The following BAZ1A variants were observed in gnomAD, a reference collection of about 807,000 sequenced individuals.
BAZ1A encodes bromodomain adjacent to zinc finger domain 1A.
Under a neutral mutation model 185.2 loss-of-function variants are expected in BAZ1A, and 50 were observed. That is an observed-to-expected ratio of 0.27 (90% CI 0.22 to 0.34). The LOEUF (loss-of-function observed/expected upper bound fraction) is 0.34. Ranked by LOEUF, BAZ1A falls within the 10% of genes least tolerant of loss-of-function variation. The pLI is 1.00. For missense variants in BAZ1A, 1,356 were observed against 1,839.9 expected, an observed-to-expected ratio of 0.74 and a Z score of 4.81; for synonymous variants, 571 against 615.6, an observed-to-expected ratio of 0.93 and a Z score of 1.07.
At chr14:34,809,569 A>T (rs1206278837) in intron 5 of BAZ1A, among the ~76,000 whole-genome samples, 2 of 151,992 alleles carry the variant, frequency 1.3e-5, no homozygotes, top group Non-Finnish European at 2.9e-5. Flanking sequence ...CTCTTTATTT[A>T]AAAAAAAGTA....
At chr14:34,787,563 A>G (rs1594839960) in intron 12 of BAZ1A, among the ~76,000 whole-genome samples, 1 of 147,556 alleles carries the variant, frequency 6.8e-6, no homozygotes, top group Non-Finnish European at 1.5e-5. Context: ...CATGTCTGTA[A>G]TCCCAGCTAC....
chr14:34,846,643 A>T (rs2042516897), intron 3 of BAZ1A, among the ~76,000 whole-genome samples: 1 of 152,254 alleles, frequency 6.6e-6, no homozygotes, highest in Non-Finnish European at 1.5e-5. Context: ...TAGCGTATAA[A>T]AAAAGGGTTT....
chr14:34,791,551 C>A (rs1363637433), intron 12 of BAZ1A, among the ~76,000 whole-genome samples: 2 of 152,170 alleles, frequency 1.3e-5, no homozygotes, highest in African/African-American at 4.8e-5. Flanking sequence ...AACATCAATG[C>A]ACACTCATCA....
chr14:34,780,348 T>C (rs752835227), intron 16 of BAZ1A, 38 bp from the exon 17 acceptor site: 14 of 1,563,378 alleles, frequency 9.0e-6, no homozygotes, highest in Non-Finnish European at 1.1e-5. Context: ...TACTAATGAA[T>C]ATATAATTCC....
intron 2 of BAZ1A, among the ~76,000 whole-genome samples, chr14:34,866,153 A>C (rs562358939): frequency 6.6e-6 from 1 of 152,106 alleles, no homozygotes; most frequent in Non-Finnish European, 1.5e-5. Flanking sequence ...ACACCACTGC[A>C]CTCCAGCCTG....
intron 20 of BAZ1A, among the ~76,000 whole-genome samples, chr14:34,772,601 GTAA>G (rs1220561675): frequency 1.3e-5 from 2 of 152,132 alleles, no homozygotes; most frequent in African/African-American, 2.4e-5. Flanking sequence ...ATTCTGATTA[GTAA>G]TAATATTTAA....
Position 34,774,419 on chromosome 14 carries a change from T to C in BAZ1A, c.2905A>G (p.Met969Val), listed in dbSNP as rs759577274. Residue 969 changes from methionine to valine, a missense_variant, in exon 19 of 27, where the codon ATG (methionine) becomes GTG (valine). Met to Val is a conservative substitution (Grantham distance 21). Coordinates refer to ENST00000360310, the MANE Select transcript of BAZ1A (RefSeq NM_013448.3). ...RSSNAYDPSQ[M>V]CAEKQLELRL... ...AGTTCAAGTTGCTTTTCTGCACACA[T>C]CTGAGATGGATCATATGCATTGGAA... is the stretch of plus-strand genomic sequence containing the variant. The C allele has an allele frequency of 2.5e-6, 4 of 1,613,596 alleles. No homozygotes were observed. Among genetic ancestry groups the C allele is most frequent in the Non-Finnish European group, 3.4e-6 (4 of 1,179,760 alleles).
At position 34,753,833 on chromosome 14, in the gene BAZ1A, C is replaced by T. The variant is rs569529583; in HGVS notation, c.4475-129G>A. 7.5e-5 allele frequency: 58 copies of T among 776,346 alleles called. No homozygotes were observed. The Admixed American group carries it at 1.4e-3, about 19-fold the overall frequency. 48.1% of individuals were successfully genotyped at this position (776,346 alleles called of 1,614,324 possible). A position where few individuals can be genotyped will look rare whatever the true frequency, so the allele number is the denominator to read the frequency against. ...CACTTTTTTCTTTAGAAAGAGAAGA[C>T]TCTGGCTAGGCATGGTGGCTCACAT... is the stretch of plus-strand genomic sequence containing the variant. On this transcript the variant is annotated intron_variant, in intron 26 of 26. Coordinates refer to ENST00000360310, the MANE Select transcript of BAZ1A (RefSeq NM_013448.3).
chr14:34,814,419 A>G (rs1478719626), intron 4 of BAZ1A, among the ~76,000 whole-genome samples: 1 of 152,116 alleles, frequency 6.6e-6, no homozygotes. Context: ...ATTCCTAAAA[A>G]TTTAGATTCT....
intron 12 of BAZ1A, among the ~76,000 whole-genome samples, chr14:34,788,492 C>T (rs1171687380): frequency 3.9e-5 from 6 of 151,942 alleles, no homozygotes; most frequent in South Asian, 2.1e-4. Flanking sequence ...TTTGTAGAGG[C>T]GGGGTTTTGC....
chr14:34,815,115 G>A (rs1178856734), intron 4 of BAZ1A, among the ~76,000 whole-genome samples: 2 of 152,244 alleles, frequency 1.3e-5, no homozygotes, highest in African/African-American at 2.4e-5. Context: ...TAAAATGTGC[G>A]AGTTTATATG....
At chr14:34,865,775 C>G (rs1211960569) in intron 2 of BAZ1A, among the ~76,000 whole-genome samples, 2 of 152,044 alleles carry the variant, frequency 1.3e-5, no homozygotes, top group African/African-American at 4.8e-5. Flanking sequence ...AGCAGTTATC[C>G]TTATAAGCTA....
chr14:34,826,737 T>A (rs887414294), intron 3 of BAZ1A, among the ~76,000 whole-genome samples: 2 of 152,226 alleles, frequency 1.3e-5, no homozygotes, highest in African/African-American at 4.8e-5. Flanking sequence ...GAGATTGTGA[T>A]GCTTAATTTT....
intron 7 of BAZ1A, 39 bp downstream of exon 7, chr14:34,802,815 T>G (rs1881636679): frequency 1.9e-6 from 3 of 1,577,926 alleles, no homozygotes; most frequent in African/African-American, 2.7e-5. Flanking sequence ...ACTGTTTTAC[T>G]AACAGTGAAA....
At chr14:34,869,741 T>C (rs936105622) in intron 2 of BAZ1A, among the ~76,000 whole-genome samples, 1 of 152,218 alleles carries the variant, frequency 6.6e-6, no homozygotes, top group African/African-American at 2.4e-5. Flanking sequence ...CTTTGAAATA[T>C]GACATTCATG....
At chr14:34,776,802 T>C (rs1385428481) in intron 17 of BAZ1A, among the ~76,000 whole-genome samples, 3 of 152,102 alleles carry the variant, frequency 2.0e-5, no homozygotes, top group African/African-American at 7.2e-5. Context: ...GAAAAAGCCA[T>C]GTAAGGATAT....
chr14:34,862,441 G>C, intron 2 of BAZ1A, 119 bp from the exon 3 acceptor site: 1 of 1,108,860 alleles, frequency 9.0e-7, no homozygotes, highest in Non-Finnish European at 1.2e-6. Flanking sequence ...ATTTTATGTA[G>C]ACTCACAGAA....
In BAZ1A at chr14:34,825,447, CAAAAAAAAAAAAAAAA is replaced by C. The variant is rs35449855; in HGVS notation, c.536+550_536+565del. Among the ~76,000 whole-genome samples, 129 of 55,426 alleles carry C rather than the reference CAAAAAAAAAAAAAAAA, an allele frequency of 2.3e-3. 2 individuals carry two copies. The highest frequency in any genetic ancestry group is 1.1e-3 in the Non-Finnish European group (33 of 29,580). 36.4% of individuals were successfully genotyped at this position (55,426 alleles called of 152,430 possible). On this transcript the variant is annotated intron_variant, in intron 4 of 26. Transcript: ENST00000360310. ...GGGCAACAAGATGGAAACTCTGTCT[CAAAAAAAAAAAAAAAA>C]AAAAAAAAAAAAAGAGGGTGGGGGA...
chr14:34,875,111 G>A, intron 1 of BAZ1A, 27 bp downstream of exon 1: 2 of 358,710 alleles, frequency 5.6e-6, no homozygotes, highest in Non-Finnish European at 1.1e-5. Flanking sequence ...CCCCGCCGGC[G>A]CCGGCCGGCT....
Sources: allele counts gnomAD v4.1 joint callset (sites outside exome capture counted in the v4.1 genomes callset), GRCh38; gene constraint gnomAD v4.1.1; transcripts MANE v1.5; gene names NCBI Gene and HGNC (gene_info 2026-07-23, HGNC 2026-07-21).